The following EXOC3L1 variants were observed in gnomAD, a reference collection of about 807,000 sequenced individuals.
The protein encoded by EXOC3L1 is exocyst complex component 3-like protein.
EXOC3L1 carries 79 observed loss-of-function variants against 83.6 expected under a neutral mutation model. The observed-to-expected ratio is 0.95, with a 90% CI of 0.79 to 1.14. EXOC3L1 has a LOEUF of 1.14. Among genes scored for constraint, EXOC3L1 ranks in the 50% most tolerant of loss-of-function variants. EXOC3L1 has a pLI of 0.00. For missense variants in EXOC3L1, 945 were observed against 972.0 expected (o/e 0.97, Z 0.37); for synonymous variants, 433 against 451.2 (o/e 0.96, Z 0.51).
In EXOC3L1 at chr16:67,187,815, T is replaced by C. The variant is rs1453069566; in HGVS notation, c.450A>G (p.Thr150=). 1 of 1,601,246 alleles carries C rather than the reference T, an allele frequency of 6.2e-7. No homozygotes were observed. Among genetic ancestry groups the C allele is most frequent in the Non-Finnish European group, 8.5e-7 (1 of 1,172,704 alleles). Residue 150 remains threonine, a synonymous_variant, in exon 5 of 14, where the codon ACA becomes ACG. Coordinates refer to ENST00000314586, the MANE Select transcript of EXOC3L1 (RefSeq NM_178516.4). ...ACTGTTGGCCATCAATCAGAGTCTG[T>C]GTGTGGGACACTGCAGCCGGCACTA... The part of the protein sequence containing the change: ...LRAVPAAVSH[T]QTLIDGQQFL...
rs367672691 is a variant in EXOC3L1, at chr16:67,184,864, G to A, written c.1905+38C>T. 779 of 1,610,196 alleles carry A rather than the reference G, an allele frequency of 4.8e-4. 5 individuals carry two copies. The African/African-American group carries it at 9.5e-3, about 20-fold the overall frequency. Reference sequence around the variant, plus strand: ...CAGCCCTCTCTCCCACCCAGCCACTGAGACTCTCGCCCGTCTGCCCGCCCA... The same window carrying A: ...CAGCCCTCTCTCCCACCCAGCCACTAAGACTCTCGCCCGTCTGCCCGCCCA... On this transcript the variant is annotated intron_variant, in intron 12 of 13. Transcript: ENST00000314586.
rs1340600402 is a variant in EXOC3L1, at chr16:67,186,320, G to A, written c.1413C>T (p.Ser471=). The A allele has an allele frequency of 1.9e-6, 3 of 1,567,138 alleles. No individual in the cohort carries two copies. Among genetic ancestry groups the A allele is most frequent in the African/African-American group, 2.7e-5 (2 of 73,666 alleles). ...RSFSDALIRF[S]RDHFRGKSMA... Reference sequence around the variant, plus strand: ...TTGATTTCCCCCTGAAGTGGTCTCGGGAGAATCGGATCAGAGCATCACTGA... The same window carrying A: ...TTGATTTCCCCCTGAAGTGGTCTCGAGAGAATCGGATCAGAGCATCACTGA... Residue 471 remains serine (S), a synonymous_variant, in exon 9 of 14, where the codon TCC becomes TCT. Coordinates refer to ENST00000314586, the MANE Select transcript of EXOC3L1 (RefSeq NM_178516.4).
rs2032751770 is a variant in EXOC3L1, at chr16:67,187,151, G to A, written c.1041-13C>T. ...CATCATTTCCTGCCTGGAGATAGGT[G>A]GCCTGGTGTCACACCAAGCCACCAA... On this transcript the variant is annotated splice_polypyrimidine_tract_variant and intron_variant, in intron 5 of 13. Transcript: ENST00000314586. The A allele has an allele frequency of 1.9e-6, 3 of 1,612,174 alleles. No individual in the cohort carries two copies. Among genetic ancestry groups the A allele is most frequent in the South Asian group, 1.1e-5 (1 of 91,056 alleles).
chr16:67,184,974 G>T lies in EXOC3L1; in HGVS notation c.1833C>A (p.Ala611=), dbSNP rs369614815. ...GCTCGGCCGCCTGGGTCCTCTCGTC[G>T]GCTCCGCGGCACACCAGGCGGCCTT... ...LMQGRLVCRG[A]DERTQAAERL... is the part of the protein sequence containing the mutation. The change falls in exon 12 of 14, where the codon GCC becomes GCA. Residue 611 remains alanine, a synonymous_variant. Transcript: ENST00000314586. 24 of 1,609,702 alleles carry T rather than the reference G, an allele frequency of 1.5e-5. No individual in the cohort carries two copies. The highest frequency in any genetic ancestry group is 5.0e-5 in the Admixed American group (3 of 59,740).
chr16:67,187,889 C>T (rs1175617032), intron 4 of EXOC3L1, 52 bp from the exon 5 acceptor site: 1 of 1,527,214 alleles, frequency 6.5e-7, no homozygotes, highest in African/African-American at 1.4e-5. Flanking sequence ...CCCACCGCCT[C>T]AATGTGTACA....
intron 4 of EXOC3L1, 87 bp downstream of exon 4, chr16:67,188,634 C>T (rs1294451671): frequency 7.7e-7 from 1 of 1,302,672 alleles, no homozygotes; most frequent in East Asian, 2.4e-5. Flanking sequence ...ATGCAGTTCC[C>T]CATCTAGTGC....
chr16:67,188,749 CAG>C lies in EXOC3L1; in HGVS notation c.397_398del (p.Leu133ValfsTer22). Reference sequence around the variant, plus strand: ...CCCGCAGCCGAGGCAGCAGGTGAGACAGGGCCTGCAGTTGCTTGTGCTGGGCA... The same window carrying C: ...CCCGCAGCCGAGGCAGCAGGTGAGACGGCCTGCAGTTGCTTGTGCTGGGCA... Reference protein sequence around the residue: ...RVAQHKQLQALSHLLPRLRAV... With the variant: ...RVAQHKQLQAXSHLLPRLRAV... On this transcript the variant is annotated frameshift_variant, in exon 4 of 14. Transcript: ENST00000314586. LOFTEE classifies it high-confidence loss of function. 1 of 1,612,144 alleles carries C rather than the reference CAG, an allele frequency of 6.2e-7. No homozygotes were observed. Among genetic ancestry groups the C allele is most frequent in the Non-Finnish European group, 8.5e-7 (1 of 1,179,422 alleles).
chr16:67,185,660 C>A (rs1160133295), intron 9 of EXOC3L1, 170 bp from the exon 10 acceptor site: 7 of 638,548 alleles, frequency 1.1e-5, no homozygotes, highest in Non-Finnish European at 1.9e-5. Flanking sequence ...GGGAGACGGG[C>A]GCTTGGCGAG....
rs1327847800 is a variant in EXOC3L1, at chr16:67,185,230, T to G, written c.1655A>C (p.Gln552Pro). Residue 552 changes from glutamine (Q) to proline (P), a missense_variant, in exon 11 of 14, where the codon CAA becomes CCA. Transcript: ENST00000314586. ...QPLFADLPSRQWLSSPELLQS... is the reference protein window; with the variant it reads ...QPLFADLPSRPWLSSPELLQS... ...CAGGAGCTCAGGGCTCGACAGCCAT[T>G]GGCGCGAGGGCAGATCCGCGAACAG... 2 of 1,613,140 alleles carry G rather than the reference T, an allele frequency of 1.2e-6. No homozygotes were observed. The highest frequency in any genetic ancestry group is 1.7e-6 in the Non-Finnish European group (2 of 1,179,942).
intron 2 of EXOC3L1, 144 bp from the exon 3 acceptor site, chr16:67,189,324 T>C: frequency 1.0e-6 from 1 of 956,674 alleles, no homozygotes; most frequent in East Asian, 2.8e-5. Flanking sequence ...TTGCCCAGGC[T>C]GGAGTGCAGT....
At position 67,187,107 on chromosome 16, in the gene EXOC3L1, G is replaced by A. The variant is rs1383629624; in HGVS notation, c.1072C>T (p.Pro358Ser). The A allele has an allele frequency of 6.2e-7, 1 of 1,613,322 alleles. No individual in the cohort carries two copies. Among genetic ancestry groups the A allele is most frequent in the Non-Finnish European group, 8.5e-7 (1 of 1,179,998 alleles). The change falls in exon 6 of 14, where the codon CCT becomes TCT. Residue 358 changes from proline (P) to serine (S), a missense_variant. Pro to Ser is a moderately conservative substitution (Grantham distance 74). Coordinates refer to ENST00000314586, the MANE Select transcript of EXOC3L1 (RefSeq NM_178516.4). ...TCCAGCTGGGACACATCAGCCTCAG[G>A]CCCCAACTCCAGGCTCCCCATCATT... ...QEMMGSLELG[P>S]EADVSQLEPL...
intron 4 of EXOC3L1, among the ~76,000 whole-genome samples, chr16:67,188,515 G>A (rs1025038267): frequency 1.3e-5 from 2 of 152,202 alleles, no homozygotes; most frequent in Admixed American, 6.5e-5. Context: ...ACATGACTGG[G>A]TGTCTGTCCT....
rs754719142 is a variant in EXOC3L1 at position 67,188,698 on chromosome 16, G to A, written c.427+23C>T. The A allele has an allele frequency of 4.4e-6, 7 of 1,598,230 alleles. No homozygotes were observed. In the South Asian group the frequency reaches 7.7e-5, roughly 18 times the overall value. On this transcript the variant is annotated intron_variant, in intron 4 of 13. Coordinates refer to ENST00000314586, the MANE Select transcript of EXOC3L1 (RefSeq NM_178516.4). ...TGTGGACTGACTATTGGAGGCTGAG[G>A]CCCAGGGTCCCTGCATGCTCACCTG...
rs376728095 is a variant in EXOC3L1 at position 67,187,868 on chromosome 16, G to A, written c.428-31C>T. ...GAGAGTGAAAAGGAGACGGCCCTGG[G>A]TCTCAGCCTTCCCACCGCCTCAATG... On this transcript the variant is annotated intron_variant, in intron 4 of 13. Transcript: ENST00000314586. The A allele has an allele frequency of 2.8e-5, 43 of 1,540,832 alleles. 1 individual carries two copies. In the African/African-American group the frequency reaches 5.1e-4, roughly 18 times the overall value.
rs1193245802 is a variant in EXOC3L1 at position 67,184,428 on chromosome 16, C to G, written c.2207G>C (p.Gly736Ala). Residue 736 changes from glycine (G) to alanine (A), a missense_variant, in exon 14 of 14, where the codon GGG becomes GCG. By Grantham distance (60) the Gly-to-Ala change is moderately conservative. Coordinates refer to ENST00000314586, the MANE Select transcript of EXOC3L1 (RefSeq NM_178516.4). ...ALAPASCLPS[G>A]SCARALLLAE The stretch of plus-strand genomic sequence containing the variant: ...GAGCAGCAGGGCTCGGGCGCAGGAC[C>G]CCGAGGGCAGGCAGGAGGCCGGCGC... 2.0e-6 allele frequency: 3 copies of G among 1,531,884 alleles called. No homozygotes were observed. The highest frequency in any genetic ancestry group is 2.6e-6 in the Non-Finnish European group (3 of 1,145,136). The allele number at this position is 1,531,884 out of a possible 1,614,324, so 94.9% of individuals were successfully genotyped here.
rs750103225 is a variant in EXOC3L1 at position 67,184,573 on chromosome 16, G to T, written c.2062C>A (p.Arg688Ser). ...TGCTGCTCCCGGGACAAGTCCCCGC[G>T]CAGGCCCAAGAGGGCGGAGACGTGG... ...EDHVSALLGL[R>S]GDLSREQHLA... Residue 688 changes from arginine (R) to serine (S), a missense_variant, in exon 14 of 14, where the codon CGC becomes AGC. Arg to Ser is a moderately radical substitution (Grantham distance 110). Transcript: ENST00000314586. 2.6e-6 allele frequency: 4 copies of T among 1,557,722 alleles called. No individual in the cohort carries two copies. In the African/African-American group the frequency reaches 5.5e-5, roughly 21 times the overall value.
rs774640557 is a variant in EXOC3L1, at chr16:67,189,611, T to C, written c.46+20A>G. ...TTTGTTGCCATCATTCCTCCCCTAG[T>C]CCACCCAAAAGGTTCATACCAGGGG... On this transcript the variant is annotated intron_variant, in intron 2 of 13. Coordinates refer to ENST00000314586, the MANE Select transcript of EXOC3L1 (RefSeq NM_178516.4). 2 of 1,613,922 alleles carry C rather than the reference T, an allele frequency of 1.2e-6. No homozygotes were observed. Among genetic ancestry groups the C allele is most frequent in the Non-Finnish European group, 8.5e-7 (1 of 1,179,874 alleles).
chr16:67,185,002 AT>A lies in EXOC3L1; in HGVS notation c.1804del (p.Met602CysfsTer49). On this transcript the variant is annotated frameshift_variant, in exon 12 of 14. Coordinates refer to ENST00000314586, the MANE Select transcript of EXOC3L1 (RefSeq NM_178516.4). LOFTEE classifies it high-confidence loss of function. ...AVVLQYLSAL[M>X]QGRLVCRGAD... ...TCCGCGGCACACCAGGCGGCCTTGC[AT>A]CAGCGCGCTCAGGTACTGGAGCACC... 3.1e-6 allele frequency: 5 copies of A among 1,610,066 alleles called. No homozygotes were observed. Among genetic ancestry groups the A allele is most frequent in the Non-Finnish European group, 4.2e-6 (5 of 1,178,670 alleles).
chr16:67,188,723 G>C lies in EXOC3L1; in HGVS notation c.425C>G (p.Ala142Gly). ...ALSHLLPRLR[A>G]VPAAVSHTQT... The stretch of plus-strand genomic sequence containing the variant: ...GCCCAGGGTCCCTGCATGCTCACCT[G>C]CCCGCAGCCGAGGCAGCAGGTGAGA... Residue 142 changes from alanine to glycine, a missense_variant and splice_region_variant, in exon 4 of 14, where the codon GCA becomes GGA. Physicochemically the swap from Ala to Gly is moderately conservative, Grantham distance 60. Transcript: ENST00000314586. The C allele has an allele frequency of 6.2e-7, 1 of 1,609,142 alleles. No individual in the cohort carries two copies. Among genetic ancestry groups the C allele is most frequent in the Admixed American group, 1.7e-5 (1 of 59,996 alleles).
Sources: gnomAD v4.1 joint callset for allele counts (sites outside exome capture counted in the v4.1 genomes callset) on GRCh38, gnomAD v4.1.1 for gene constraint, MANE v1.5 for transcripts, NCBI Gene and HGNC (gene_info 2026-07-23, HGNC 2026-07-21) for gene names.